SIAE: variants seen among roughly 807,000 people sequenced by gnomAD.
The protein encoded by SIAE is sialic acid acetylesterase.
In SIAE, 39 loss-of-function variants were observed where a neutral mutation model predicts 52.6. The ratio of observed to expected loss-of-function variants is 0.74; its 90% CI spans 0.57 to 0.97. SIAE has a LOEUF of 0.97. Among genes scored for constraint, SIAE ranks in the 50% least tolerant of loss-of-function variants. The pLI is 0.00. For missense variants in SIAE, 592 were observed against 662.1 expected (o/e 0.89, Z 1.16); for synonymous variants, 233 against 241.4 (o/e 0.97, Z 0.32).
intron 2 of SIAE, among the ~76,000 whole-genome samples, chr11:124,668,625 T>C (rs1307178793): frequency 6.6e-6 from 1 of 152,220 alleles, no homozygotes; most frequent in East Asian, 1.9e-4. Context: ...ATCCTGTAGG[T>C]ATCATGACGA....
chr11:124,637,987 C>T (rs1942780357), intron 9 of SIAE, among the ~76,000 whole-genome samples: 1 of 152,222 alleles, frequency 6.6e-6, no homozygotes, highest in East Asian at 1.9e-4. Flanking sequence ...CATCTCCCAC[C>T]CTCAAATATC....
In SIAE at chr11:124,633,585, T is replaced by C. The variant is rs1942656399; in HGVS notation, c.*3366A>G. On this transcript the variant is annotated 3_prime_UTR_variant, in exon 10 of 10. Coordinates refer to ENST00000263593, the MANE Select transcript of SIAE (RefSeq NM_170601.5). ...GAGGGAGGGATCAGGCAGCAGTGTT[T>C]AGAGCACACCACACTGGCCACTGTA... The C allele has an allele frequency of 6.6e-6, 1 of 152,264 alleles. No individual in the cohort carries two copies. The highest frequency in any genetic ancestry group is 1.5e-5 in the Non-Finnish European group (1 of 68,064). 9.4% of individuals were successfully genotyped at this position (152,264 alleles called of 1,614,324 possible).
upstream of SIAE, chr11:124,673,808 C>G: frequency 7.3e-7 from 1 of 1,373,142 alleles, no homozygotes; most frequent in Non-Finnish European, 1.0e-6. Context: ...TTTTGCAGTC[C>G]TCGCAGCCTC....
rs546326936 is a variant in SIAE at position 124,656,922 on chromosome 11, G to A, written c.406-2129C>T. 2.1e-4 allele frequency among the ~76,000 whole-genome samples: 32 copies of A among 152,246 alleles called. No individual in the cohort carries two copies. In the South Asian group the frequency reaches 3.9e-3, roughly 19 times the overall value. On this transcript the variant is annotated intron_variant, in intron 3 of 9. Coordinates refer to ENST00000263593, the MANE Select transcript of SIAE (RefSeq NM_170601.5). Reference sequence around the variant, plus strand: ...TGGTCACAGAGTGTGCAGCTGGCTCGCTTTCCACCCCCACCCACCCACCAC... The same window carrying A: ...TGGTCACAGAGTGTGCAGCTGGCTCACTTTCCACCCCCACCCACCCACCAC...
upstream of SIAE, chr11:124,674,043 C>G: frequency 3.2e-6 from 1 of 314,152 alleles, no homozygotes; most frequent in Non-Finnish European, 6.0e-6. Flanking sequence ...GACACAGCCT[C>G]GGAGCCCTGG....
chr11:124,659,390 TAA>T (rs1179426154), intron 3 of SIAE: 1 of 152,192 alleles, frequency 6.6e-6, no homozygotes. Context: ...TCTCTTATGC[TAA>T]AAGAGTCCAA....
intron 4 of SIAE, among the ~76,000 whole-genome samples, chr11:124,652,238 G>A (rs1236765209): frequency 2.0e-5 from 3 of 152,150 alleles, no homozygotes; most frequent in Admixed American, 6.5e-5. Flanking sequence ...ACCTGTGGCT[G>A]TGTTACCTTG....
intron 3 of SIAE, among the ~76,000 whole-genome samples, chr11:124,655,189 T>TTTTTG (rs1324577651): frequency 6.2e-4 from 93 of 150,462 alleles, no homozygotes; most frequent in African/African-American, 2.1e-3. Context: ...TTTTTTTTTT[T>TTTTTG]TGTGTGTGAG....
intron 2 of SIAE, 24 bp downstream of exon 2, chr11:124,669,336 T>C (rs780200932): frequency 4.5e-5 from 73 of 1,614,034 alleles, no homozygotes; most frequent in Non-Finnish European, 6.1e-5. Context: ...GGGCAATAGC[T>C]GAACGGAAGA....
chr11:124,660,297 GA>G (rs200559016), intron 3 of SIAE: 41,387 of 229,270 alleles, frequency 0.18, 579 homozygotes, highest in African/African-American at 0.24. Context: ...TCTCAAAAAA[GA>G]AAAAAAAAAA....
At position 124,670,466 on chromosome 11, in the gene SIAE, A is replaced by G. The variant is rs575591714; in HGVS notation, c.68-945T>C. On this transcript the variant is annotated intron_variant, in intron 1 of 9. Coordinates refer to ENST00000263593, the MANE Select transcript of SIAE (RefSeq NM_170601.5). This position sits in a 1 kb window ranked among gnomAD's most constrained non-coding sequence, Gnocchi z 4.5. ...CTCATCAAAACTTAACAAGGAAAAA[A>G]ATAAAACAAATTATATCCCAATTTA... is the stretch of plus-strand genomic sequence containing the variant. Among the ~76,000 whole-genome samples, 7 of 152,230 alleles carry G rather than the reference A, an allele frequency of 4.6e-5. No homozygotes were observed. The highest frequency in any genetic ancestry group is 1.0e-4 in the Non-Finnish European group (7 of 68,036).
chr11:124,663,001 A>T (rs1943212235), intron 2 of SIAE, among the ~76,000 whole-genome samples: 1 of 151,956 alleles, frequency 6.6e-6, no homozygotes, highest in Non-Finnish European at 1.5e-5. Flanking sequence ...AAAAATTAGC[A>T]GGGTGTGATG....
At chr11:124,664,143 C>A (rs1013244319) in intron 2 of SIAE, among the ~76,000 whole-genome samples, 1 of 152,152 alleles carries the variant, frequency 6.6e-6, no homozygotes, top group Non-Finnish European at 1.5e-5. Context: ...AGGAAGTAAA[C>A]CCCATCCCTG....
chr11:124,647,128 A>T lies in SIAE; in HGVS notation c.966+237T>A, dbSNP rs574789458. ...ATGAAACTGTAATGCTTTTTAAATA[A>T]GAAATATTAGTTACTTATCAACTTT... is the stretch of plus-strand genomic sequence containing the variant. On this transcript the variant is annotated intron_variant, in intron 7 of 9. Transcript: ENST00000263593. Among the ~76,000 whole-genome samples, 23 of 152,302 alleles carry T rather than the reference A, an allele frequency of 1.5e-4. 1 individual carries two copies. The highest frequency in any genetic ancestry group is 5.3e-4 in the African/African-American group (22 of 41,558).
At chr11:124,654,394 C>T (rs1376886060) in intron 4 of SIAE, 1 of 985,204 alleles carries the variant, frequency 1.0e-6, no homozygotes, top group African/African-American at 1.7e-5. Flanking sequence ...GCTGGCGGAG[C>T]CCATGCCGAA....
At chr11:124,649,526 A>C in intron 5 of SIAE, 93 bp downstream of exon 5, 2 of 1,346,932 alleles carry the variant, frequency 1.5e-6, no homozygotes, top group Non-Finnish European at 2.1e-6. Context: ...TGGGACATTC[A>C]CCATATACTT....
rs1943330030 is a variant in SIAE, at chr11:124,670,196, A to C, written c.68-675T>G. Reference sequence around the variant, plus strand: ...TAAATCAAGACACATAAATAAGGTCAGTGAGAGATAGAAGGTCAACATGTC... The same window carrying C: ...TAAATCAAGACACATAAATAAGGTCCGTGAGAGATAGAAGGTCAACATGTC... On this transcript the variant is annotated intron_variant, in intron 1 of 9. Coordinates refer to ENST00000263593, the MANE Select transcript of SIAE (RefSeq NM_170601.5). The surrounding 1 kb of genome is among the most constrained non-coding windows in gnomAD (Gnocchi z 4.5). Among the ~76,000 whole-genome samples the C allele has an allele frequency of 6.6e-6, 1 of 152,248 alleles. No individual in the cohort carries two copies. The highest frequency in any genetic ancestry group is 2.4e-5 in the African/African-American group (1 of 41,468).
At position 124,633,402 on chromosome 11, in the gene SIAE, C is replaced by G. The variant is rs1182338685; in HGVS notation, c.*3549G>C. ...CCTTAGTTACCCAGCAGCAGGTTAC[C>G]AAGGGCTGTCTGGAAAGGGAGGGAC... On this transcript the variant is annotated 3_prime_UTR_variant, in exon 10 of 10. Transcript: ENST00000263593. 1 of 152,256 alleles carries G rather than the reference C, an allele frequency of 6.6e-6. No individual in the cohort carries two copies. The highest frequency in any genetic ancestry group is 6.5e-5 in the Admixed American group (1 of 15,278). 9.4% of individuals were successfully genotyped at this position (152,256 alleles called of 1,614,324 possible). A position where few individuals can be genotyped will look rare whatever the true frequency, so the allele number is the denominator to read the frequency against.
At chr11:124,664,424 C>T (rs148514665) in intron 2 of SIAE, among the ~76,000 whole-genome samples, 1 of 152,024 alleles carries the variant, frequency 6.6e-6, no homozygotes, top group Non-Finnish European at 1.5e-5. Flanking sequence ...TTAGTAGAGA[C>T]GAGGTTTCAC....
Sources: allele counts gnomAD v4.1 joint callset (sites outside exome capture counted in the v4.1 genomes callset), GRCh38; gene constraint gnomAD v4.1.1; non-coding constraint Gnocchi (gnomAD v3.1); transcripts MANE v1.5; gene names NCBI Gene and HGNC (gene_info 2026-07-23, HGNC 2026-07-21).